MACF1: variants seen among roughly 807,000 people sequenced by gnomAD.
The protein encoded by MACF1 is microtubule actin crosslinking factor 1.
In MACF1, 193 loss-of-function variants were observed where a neutral mutation model predicts 854.8. The ratio of observed to expected loss-of-function variants is 0.23; its 90% CI spans 0.20 to 0.25. The LOEUF (loss-of-function observed/expected upper bound fraction) is 0.25, where lower values mean the gene tolerates loss of function less well. Ranked by LOEUF, MACF1 falls within the 10% of genes least tolerant of loss-of-function variation. MACF1 has a pLI of 1.00. For synonymous variants in MACF1, 3,185 were observed against 3,226.7 expected (o/e 0.99, Z 0.44); for missense variants, 7,722 against 8,929.1 (o/e 0.86, Z 5.45).
rs1287327295 is a variant in MACF1 at position 39,095,930 on chromosome 1, A to AG, written c.220+11494dup. Among the ~76,000 whole-genome samples, 133 of 151,476 alleles carry AG rather than the reference A, an allele frequency of 8.8e-4. 1 individual carries two copies. Among genetic ancestry groups the AG allele is most frequent in the African/African-American group, 3.2e-3 (130 of 40,834 alleles). ...ATGCCTGTAATCCCAACACTTTGGG[A>AG]GGCCAAGGCAGGAGAATCACTTGAG... On this transcript the variant is annotated intron_variant, in intron 2 of 93. Transcript: ENST00000361689.
At chr1:39,286,405 AG>A (rs1447303001) in intron 14 of MACF1, among the ~76,000 whole-genome samples, 1 of 151,954 alleles carries the variant, frequency 6.6e-6, no homozygotes, top group Non-Finnish European at 1.5e-5. Context: ...TTCTTTTTAT[AG>A]GGGGGAAAAT....
intron 19 of MACF1, among the ~76,000 whole-genome samples, 162 bp downstream of exon 19, chr1:39,295,312 C>T (rs1392120542): frequency 6.6e-6 from 1 of 152,184 alleles, no homozygotes; most frequent in East Asian, 1.9e-4. Flanking sequence ...CTATGTCCCT[C>T]AAAAGCCTGC....
intron 58 of MACF1, among the ~76,000 whole-genome samples, chr1:39,396,757 A>G: frequency 6.6e-6 from 1 of 152,208 alleles, no homozygotes; most frequent in East Asian, 1.9e-4. Flanking sequence ...TTTACTAGGA[A>G]TAAAATGACT....
At chr1:39,476,770 A>G (rs771143501) in intron 97 of MACF1, among the ~76,000 whole-genome samples, 1 of 151,884 alleles carries the variant, frequency 6.6e-6, no homozygotes. Context: ...TGAGACATGT[A>G]GGGCATGGAG....
chr1:39,123,294 A>G lies in MACF1; in HGVS notation c.220+38856A>G, dbSNP rs191267206. Among the ~76,000 whole-genome samples, 25 of 140,108 alleles carry G rather than the reference A, an allele frequency of 1.8e-4. No individual in the cohort carries two copies. The East Asian group carries it at 4.6e-3, about 26-fold the overall frequency. 91.9% of individuals were successfully genotyped at this position (140,108 alleles called of 152,430 possible). A position where few individuals can be genotyped will look rare whatever the true frequency, so the allele number is the denominator to read the frequency against. On this transcript the variant is annotated intron_variant, in intron 2 of 93. Transcript: ENST00000361689. ...GCGATCTTGGCTCACTGCAACCTCT[A>G]TCTCCCAGGTTGAAGCGATTCTCGT... is the stretch of plus-strand genomic sequence containing the variant.
At chr1:39,284,243 G>A (rs1298767294) in intron 10 of MACF1, 58 bp downstream of exon 10, 1 of 1,592,740 alleles carries the variant, frequency 6.3e-7, no homozygotes, top group African/African-American at 1.4e-5. Flanking sequence ...AAGTCTCCAA[G>A]CTTATCACTG....
chr1:39,462,438 C>T (rs1644572762), intron 93 of MACF1, among the ~76,000 whole-genome samples: 1 of 152,040 alleles, frequency 6.6e-6, no homozygotes, highest in Admixed American at 6.6e-5. Context: ...GGCATGGTGG[C>T]TTACATCTGT....
intron 99 of MACF1, among the ~76,000 whole-genome samples, chr1:39,483,488 A>G (rs1221710876): frequency 2.0e-5 from 3 of 152,234 alleles, no homozygotes; most frequent in Non-Finnish European, 4.4e-5. Context: ...CAGTCCAGGC[A>G]AAATGAACAG....
intron 35 of MACF1, 59 bp downstream of exon 35, chr1:39,324,793 C>A: frequency 7.8e-7 from 1 of 1,280,908 alleles, no homozygotes; most frequent in Non-Finnish European, 1.1e-6. Context: ...CAGTCTAAAA[C>A]TTACAGCCAT....
chr1:39,340,906 A>G lies in MACF1; in HGVS notation c.10534A>G (p.Ser3512Gly). 5 of 1,613,462 alleles carry G rather than the reference A, an allele frequency of 3.1e-6. No individual in the cohort carries two copies. Among genetic ancestry groups the G allele is most frequent in the South Asian group, 2.2e-5 (2 of 90,882 alleles). The change falls in exon 40 of 101, where the codon AGT becomes GGT. Residue 3512 changes from serine to glycine, a missense_variant. Physicochemically the swap from Ser to Gly is moderately conservative, Grantham distance 56 (BLOSUM62 0). Transcript: ENST00000564288. ...NLILNSKGSN[S>G]EIDVDSLNLC... Reference sequence around the variant, plus strand: ...TATTCTGAACAGCAAGGGATCTAACAGTGAAATAGATGTTGACAGCCTGAA... The same window carrying G: ...TATTCTGAACAGCAAGGGATCTAACGGTGAAATAGATGTTGACAGCCTGAA...
At chr1:39,178,417 A>G (rs779871186) in intron 2 of MACF1, among the ~76,000 whole-genome samples, 83 of 152,116 alleles carry the variant, frequency 5.5e-4, no homozygotes, top group Non-Finnish European at 8.8e-4. Flanking sequence ...GGGGAAGCCA[A>G]TTTTGGATTT....
chr1:39,286,892 A>C (rs901676691), intron 14 of MACF1, among the ~76,000 whole-genome samples: 3 of 152,224 alleles, frequency 2.0e-5, no homozygotes, highest in African/African-American at 7.2e-5. Flanking sequence ...AGATGTTCAT[A>C]ATATCACCTT....
In MACF1 at chr1:39,303,098, A is replaced by C. The variant is rs1271821476; in HGVS notation, c.2789+20A>C. The C allele has an allele frequency of 6.2e-7, 1 of 1,612,058 alleles. No individual in the cohort carries two copies. The highest frequency in any genetic ancestry group is 1.7e-5 in the Admixed American group (1 of 59,936). On this transcript the variant is annotated intron_variant, in intron 23 of 100. Coordinates refer to ENST00000564288, the MANE Select transcript of MACF1 (RefSeq NM_001394062.1). ...CAGCAGGTAACTTGGCTCAGCTGCC[A>C]CTGGTACACCCACCTCTGCTGTTGG...
intron 61 of MACF1, among the ~76,000 whole-genome samples, chr1:39,424,757 A>G (rs1643669741): frequency 6.6e-6 from 1 of 152,244 alleles, no homozygotes; most frequent in African/African-American, 2.4e-5. Flanking sequence ...CATAGCTATA[A>G]GTTATCCTGT....
At position 39,336,067 on chromosome 1, in the gene MACF1, A is replaced by G; in HGVS notation, c.9479A>G (p.His3160Arg). 6.2e-7 allele frequency: 1 copy of G among 1,613,982 alleles called. No individual in the cohort carries two copies. The highest frequency in any genetic ancestry group is 8.5e-7 in the Non-Finnish European group (1 of 1,179,972). Residue 3160 changes from histidine to arginine, a missense_variant, in exon 37 of 101, where the codon CAT becomes CGT. By Grantham distance (29) the His-to-Arg change is conservative (BLOSUM62 0). This residue lies in a region of MACF1 where 854 missense variants were observed against 852.6 expected (regional missense o/e 1.00). Coordinates refer to ENST00000564288, the MANE Select transcript of MACF1 (RefSeq NM_001394062.1). The part of the protein sequence containing the change: ...WVTSKTKETK[H>R]QISSSNECKE... ...ACTTCGAAAACTAAGGAAACCAAAC[A>G]TCAAATTTCCTCATCTAATGAATGT...
chr1:39,220,144 C>T (rs1310199972), intron 1 of MACF1, among the ~76,000 whole-genome samples: 2 of 151,960 alleles, frequency 1.3e-5, no homozygotes, highest in Non-Finnish European at 2.9e-5. Context: ...TTTTCAATAC[C>T]TATGGTTGTC....
intron 72 of MACF1, 110 bp downstream of exon 72, chr1:39,439,610 G>GGTTTTT (rs1229622274): frequency 4.7e-5 from 41 of 867,960 alleles, no homozygotes; most frequent in African/African-American, 8.5e-5. Context: ...GTACCTTAAA[G>GGTTTTT]GTTTTTGTTT....
rs1646783682 is a variant in MACF1, at chr1:39,334,795, G to A, written c.8207G>A (p.Ser2736Asn). ...AATGGAGGAATTGTTGACATATTTAGTGATCAGAGAGTGACTTTAGTAGAA... is the reference window on the plus strand; with the variant it reads ...AATGGAGGAATTGTTGACATATTTAATGATCAGAGAGTGACTTTAGTAGAA... ...VLNGGIVDIF[S>N]DQRVTLVEAI... The change falls in exon 37 of 101, where the codon AGT becomes AAT. Residue 2736 changes from serine to asparagine, a missense_variant. Ser to Asn is a conservative substitution (Grantham distance 46). Coordinates refer to ENST00000564288, the MANE Select transcript of MACF1 (RefSeq NM_001394062.1). The A allele has an allele frequency of 6.2e-7, 1 of 1,614,152 alleles. No individual in the cohort carries two copies. Among genetic ancestry groups the A allele is most frequent in the Non-Finnish European group, 8.5e-7 (1 of 1,179,996 alleles).
chr1:39,119,886 TTTTTTTTTTTTG>T (rs1642653304), intron 2 of MACF1, among the ~76,000 whole-genome samples: 1 of 145,520 alleles, frequency 6.9e-6, no homozygotes, highest in African/African-American at 2.6e-5. Context: ...TTTTTTTTTT[TTTTTTTTTTTTG>T]AGACAGAGTT....
Sources: gnomAD v4.1 joint callset for allele counts (sites outside exome capture counted in the v4.1 genomes callset) on GRCh38, gnomAD v4.1.1 for gene constraint, gnomAD v4.1.1 regional missense constraint, MANE v1.5 for transcripts, NCBI Gene and HGNC (gene_info 2026-07-23, HGNC 2026-07-21) for gene names.